The following SDK1 variants were observed in gnomAD, a reference collection of about 807,000 sequenced individuals.
SDK1 encodes sidekick cell adhesion molecule 1.
In SDK1, 157 loss-of-function variants were observed where a neutral mutation model predicts 245.5. The ratio of observed to expected loss-of-function variants is 0.64; its 90% CI spans 0.56 to 0.73. The LOEUF (loss-of-function observed/expected upper bound fraction) is 0.73, where lower values mean the gene tolerates loss of function less well. SDK1 is among the 30% of genes least tolerant of loss of function. The probability of loss-of-function intolerance (pLI) is 0.00; values close to 1 mark genes in which losing one functional copy is unlikely to be tolerated. For missense variants in SDK1, 3,583 were observed against 3,002.3 expected (o/e 1.19, Z -4.52); for synonymous variants, 1,647 against 1,278.5 (o/e 1.29, Z -6.15).
chr7:3,890,717 G>A (rs568399249), intron 5 of SDK1, among the ~76,000 whole-genome samples: 34 of 152,112 alleles, frequency 2.2e-4, no homozygotes, highest in African/African-American at 4.1e-4. Context: ...TGAGGCAGTC[G>A]GATCACCTGA....
At chr7:4,147,388 C>T (rs370485096) in intron 29 of SDK1, among the ~76,000 whole-genome samples, 7 of 152,000 alleles carry the variant, frequency 4.6e-5, no homozygotes, top group Admixed American at 2.6e-4. Flanking sequence ...CCATCTTGGC[C>T]GCCCAAAGTG....
rs142119422 is a variant in SDK1, at chr7:4,232,514, A to G, written c.5828-741A>G. On this transcript the variant is annotated intron_variant, in intron 40 of 44. Transcript: ENST00000404826. ...ACTCTGTTACCCAGGCTGTAGTGCA[A>G]TGGCACAATCTCAGCTCAGCTCACT... Among the ~76,000 whole-genome samples, 514 of 150,820 alleles carry G rather than the reference A, an allele frequency of 3.4e-3. 1 individual carries two copies. Among genetic ancestry groups the G allele is most frequent in the African/African-American group, 0.012 (487 of 41,000 alleles).
chr7:3,474,596 C>G (rs181326477), intron 1 of SDK1, among the ~76,000 whole-genome samples: 2 of 152,290 alleles, frequency 1.3e-5, no homozygotes, highest in Non-Finnish European at 2.9e-5. Flanking sequence ...CGTCTTGCCA[C>G]CTCTACTTCC....
At chr7:3,861,893 G>A (rs534096227) in intron 5 of SDK1, among the ~76,000 whole-genome samples, 152 of 152,182 alleles carry the variant, frequency 1.0e-3, no homozygotes, top group Non-Finnish European at 1.7e-3. Context: ...CCAGTGTAAA[G>A]GTGGTAAACA....
chr7:3,711,408 A>G (rs928848153), intron 4 of SDK1, among the ~76,000 whole-genome samples: 2 of 152,214 alleles, frequency 1.3e-5, no homozygotes, highest in African/African-American at 4.8e-5. Flanking sequence ...GGTAGTTCCA[A>G]GTAAACAAAT....
chr7:3,912,216 C>A (rs781079794), intron 5 of SDK1, among the ~76,000 whole-genome samples: 1 of 152,146 alleles, frequency 6.6e-6, no homozygotes, highest in Non-Finnish European at 1.5e-5. Flanking sequence ...AGAGGATGAG[C>A]CAGTGGATCC....
chr7:3,822,509 C>T lies in SDK1; in HGVS notation c.847+926C>T, dbSNP rs543318087. 2.6e-5 allele frequency among the ~76,000 whole-genome samples: 4 copies of T among 152,218 alleles called. No individual in the cohort carries two copies. In the South Asian group the frequency reaches 8.3e-4, roughly 32 times the overall value. On this transcript the variant is annotated intron_variant, in intron 5 of 44. Coordinates refer to ENST00000404826, the MANE Select transcript of SDK1 (RefSeq NM_152744.4). Reference sequence around the variant, plus strand: ...GTGGGGCTAGGCATGGTAGCTCACACCTGTGATCCCAGCAATTTGGGAGGC... The same window carrying T: ...GTGGGGCTAGGCATGGTAGCTCACATCTGTGATCCCAGCAATTTGGGAGGC...
chr7:3,560,292 C>T (rs1779707308), intron 1 of SDK1, among the ~76,000 whole-genome samples: 1 of 152,144 alleles, frequency 6.6e-6, no homozygotes, highest in South Asian at 2.1e-4. Flanking sequence ...GATGTACTGT[C>T]TATATGCTGA....
chr7:3,465,337 G>C (rs906370064), intron 1 of SDK1, among the ~76,000 whole-genome samples: 2 of 151,980 alleles, frequency 1.3e-5, no homozygotes, highest in Non-Finnish European at 2.9e-5. Context: ...ATTAAACTAT[G>C]AGTAAAAAAA....
At position 4,007,246 on chromosome 7, in the gene SDK1, G is replaced by A. The variant is rs73298918; in HGVS notation, c.2132-3720G>A. ...CGGGTGGAGGGGAACCACTGTTACC[G>A]GGGGCTGGTAGCCTCAGAGCGGGTT... On this transcript the variant is annotated intron_variant, in intron 14 of 44. Transcript: ENST00000404826. 5.1e-3 allele frequency among the ~76,000 whole-genome samples: 771 copies of A among 152,298 alleles called. 5 individuals carry two copies. Among genetic ancestry groups the A allele is most frequent in the African/African-American group, 0.018 (735 of 41,566 alleles).
At chr7:3,485,792 G>T (rs574352918) in intron 1 of SDK1, among the ~76,000 whole-genome samples, 3 of 144,018 alleles carry the variant, frequency 2.1e-5, no homozygotes, top group African/African-American at 7.7e-5. Flanking sequence ...CTATTCCCAC[G>T]TAAGTGTGTT....
intron 29 of SDK1, among the ~76,000 whole-genome samples, chr7:4,147,285 A>T (rs868599844): frequency 3.9e-5 from 6 of 152,084 alleles, no homozygotes; most frequent in African/African-American, 1.4e-4. Flanking sequence ...GGCTCAAGCA[A>T]TGCTCCCACC....
intron 1 of SDK1, among the ~76,000 whole-genome samples, chr7:3,565,435 G>A (rs962584943): frequency 1.3e-5 from 2 of 152,164 alleles, no homozygotes; most frequent in South Asian, 2.1e-4. Flanking sequence ...TTCATTTTAT[G>A]TCCTGATCAG....
rs75374344 is a variant in SDK1 at position 4,012,325 on chromosome 7, G to A, written c.2420+90G>A. On this transcript the variant is annotated intron_variant, in intron 16 of 44. Coordinates refer to ENST00000404826, the MANE Select transcript of SDK1 (RefSeq NM_152744.4). ...GTTGCAAACTCTAATGTCTGTAAGA[G>A]CCAAACAGGAACCAAAGGAGTCAGG... is the stretch of plus-strand genomic sequence containing the variant. 11,472 of 1,342,708 alleles carry A rather than the reference G, an allele frequency of 8.5e-3. 376 individuals are homozygous for A. The Admixed American group carries it at 0.091, about 11-fold the overall frequency. 83.2% of individuals were successfully genotyped at this position (1,342,708 alleles called of 1,614,324 possible). A position where few individuals can be genotyped will look rare whatever the true frequency, so the allele number is the denominator to read the frequency against.
chr7:3,956,661 C>G (rs151233368), intron 7 of SDK1, among the ~76,000 whole-genome samples: 1 of 152,260 alleles, frequency 6.6e-6, no homozygotes. Flanking sequence ...GGCTGCCCCC[C>G]AGACCTTGCC....
At chr7:4,227,517 C>A in intron 40 of SDK1, 2 of 458,358 alleles carry the variant, frequency 4.4e-6, no homozygotes, top group South Asian at 1.6e-5. Context: ...GCCATTCATA[C>A]AAAAAGAAAT....
At chr7:3,906,224 C>G (rs1778917274) in intron 5 of SDK1, among the ~76,000 whole-genome samples, 1 of 152,102 alleles carries the variant, frequency 6.6e-6, no homozygotes, top group African/African-American at 2.4e-5. Flanking sequence ...TCAAATCCAC[C>G]TTTTCATCGT....
chr7:3,435,515 A>G (rs1179205015), intron 1 of SDK1, among the ~76,000 whole-genome samples: 1 of 150,182 alleles, frequency 6.7e-6, no homozygotes, highest in Non-Finnish European at 1.5e-5. Context: ...GATTATGATT[A>G]TGATTATTAT....
chr7:3,693,276 C>G lies in SDK1; in HGVS notation c.713+51171C>G, dbSNP rs1277579714. On this transcript the variant is annotated intron_variant, in intron 4 of 44. Transcript: ENST00000404826. ...ACCTGTTTTTCTTTTACTAATTTCCCTTTTTGCATAAAAATGTCGTAATAT... is the reference window on the plus strand; with the variant it reads ...ACCTGTTTTTCTTTTACTAATTTCCGTTTTTGCATAAAAATGTCGTAATAT... Among the ~76,000 whole-genome samples the G allele has an allele frequency of 2.0e-5, 3 of 152,018 alleles. No individual in the cohort carries two copies. The East Asian group carries it at 5.8e-4, about 29-fold the overall frequency.
Sources: allele counts gnomAD v4.1 joint callset (sites outside exome capture counted in the v4.1 genomes callset), GRCh38; gene constraint gnomAD v4.1.1; transcripts MANE v1.5; gene names NCBI Gene and HGNC (gene_info 2026-07-23, HGNC 2026-07-21).